Variants in ANK2 observed in about 807,000 individuals in gnomAD.
ANK2 encodes ankyrin 2, also known as ankyrin-2.
In ANK2, 83 loss-of-function variants were observed where a neutral mutation model predicts 360.5. That is an observed-to-expected ratio of 0.23 (90% CI 0.19 to 0.28). The LOEUF (loss-of-function observed/expected upper bound fraction) is 0.28. Ranked by LOEUF, ANK2 falls within the 10% of genes least tolerant of loss-of-function variation. The pLI is 1.00. For missense variants in ANK2, 4,201 were observed against 4,795.7 expected (o/e 0.88, Z 3.66); for synonymous variants, 1,740 against 1,759.5 (o/e 0.99, Z 0.28).
chr4:112,851,509 C>A (rs1174684894), intron 1 of ANK2, among the ~76,000 whole-genome samples: 1 of 152,232 alleles, frequency 6.6e-6, no homozygotes, highest in East Asian at 1.9e-4. Flanking sequence ...TCATCACATT[C>A]TCCTCAAAGC....
intron 4 of ANK2, among the ~76,000 whole-genome samples, chr4:113,222,406 T>C (rs2099161563): frequency 6.6e-6 from 1 of 151,536 alleles, no homozygotes; most frequent in Non-Finnish European, 1.5e-5. Flanking sequence ...TTTTTTTTTT[T>C]TTTTTTTGGC....
intron 2 of ANK2, among the ~76,000 whole-genome samples, chr4:112,963,567 G>T (rs991876496): frequency 6.6e-6 from 1 of 152,142 alleles, no homozygotes; most frequent in Non-Finnish European, 1.5e-5. Flanking sequence ...CACGTGTCTT[G>T]AGAAGGGGCA....
At chr4:113,341,592 A>G (rs2094308431) in intron 32 of ANK2, 96 bp from the exon 33 acceptor site, 6 of 1,294,310 alleles carry the variant, frequency 4.6e-6, no homozygotes, top group African/African-American at 1.5e-5. Context: ...TCCAAGAAGC[A>G]TTTGTTGACT....
intron 2 of ANK2, among the ~76,000 whole-genome samples, chr4:112,920,423 C>G (rs1336316962): frequency 1.3e-5 from 2 of 152,050 alleles, no homozygotes; most frequent in African/African-American, 2.4e-5. Flanking sequence ...ATCAAAAAAC[C>G]AGTTAGGAAA....
intron 1 of ANK2, among the ~76,000 whole-genome samples, chr4:113,071,225 T>C (rs1032198680): frequency 6.6e-6 from 1 of 152,246 alleles, no homozygotes; most frequent in African/African-American, 2.4e-5. Context: ...TTAGACCCGA[T>C]GCCTTTTCAG....
intron 2 of ANK2, among the ~76,000 whole-genome samples, chr4:113,007,224 G>C (rs955960109): frequency 8.5e-5 from 13 of 152,094 alleles, no homozygotes; most frequent in Admixed American, 5.9e-4. Flanking sequence ...TTTGTGCAGC[G>C]GTTAGTATAA....
chr4:113,378,115 T>A, intron 45 of ANK2: 1 of 1,276,962 alleles, frequency 7.8e-7, no homozygotes, highest in Non-Finnish European at 1.0e-6. Flanking sequence ...GGTAGCCACA[T>A]GAAAGTCCAC....
At chr4:112,970,864 AT>A (rs111528369) in intron 2 of ANK2, among the ~76,000 whole-genome samples, 9,632 of 152,268 alleles carry the variant, frequency 0.063, 432 homozygotes, top group African/African-American at 0.13. Flanking sequence ...CACTAAAAAA[AT>A]GATAAGTATA....
intron 1 of ANK2, among the ~76,000 whole-genome samples, chr4:112,868,111 G>T (rs2071401934): frequency 6.6e-6 from 1 of 152,108 alleles, no homozygotes; most frequent in South Asian, 2.1e-4. Flanking sequence ...TGTGTGAAGT[G>T]ATATATCATT....
intron 1 of ANK2, among the ~76,000 whole-genome samples, chr4:112,827,993 G>A (rs2058770368): frequency 6.6e-6 from 1 of 152,124 alleles, no homozygotes; most frequent in African/African-American, 2.4e-5. Flanking sequence ...AACCAAAACA[G>A]CATAGTACTG....
chr4:113,355,314 G>C lies in ANK2; in HGVS notation c.6696G>C (p.Lys2232Asn). 6.2e-7 allele frequency: 1 copy of C among 1,613,970 alleles called. No individual in the cohort carries two copies. Among genetic ancestry groups the C allele is most frequent in the Non-Finnish European group, 8.5e-7 (1 of 1,179,954 alleles). ...AGATTAGTTCAGAAGAAAGCTATAAGCATGAAGGCCTAGCAGAGACCCCTG... is the reference window on the plus strand; with the variant it reads ...AGATTAGTTCAGAAGAAAGCTATAACCATGAAGGCCTAGCAGAGACCCCTG... ...TPQISSEESY[K>N]HEGLAETPET... The change falls in exon 38 of 46, where the codon AAG becomes AAC. Residue 2232 changes from lysine (K) to asparagine (N), a missense_variant. This residue lies in a region of ANK2 where 2,642 missense variants were observed against 2,714.5 expected (regional missense o/e 0.97). Coordinates refer to ENST00000357077, the MANE Select transcript of ANK2 (RefSeq NM_001148.6).
At chr4:112,750,311 A>C in the ANK2 span, among the ~76,000 whole-genome samples, 1,462 of 152,214 alleles carry the variant, frequency 9.6e-3, 21 homozygotes, top group African/African-American at 0.033. Flanking sequence ...CAGTGAGCCA[A>C]GATCGCCCCG....
At chr4:112,794,277 G>A in the ANK2 span, among the ~76,000 whole-genome samples, 2 of 152,190 alleles carry the variant, frequency 1.3e-5, no homozygotes, top group Admixed American at 1.3e-4. Flanking sequence ...ATTTGTTGAT[G>A]TGTATTAAGA....
chr4:112,952,515 T>C (rs908651349), intron 2 of ANK2, among the ~76,000 whole-genome samples: 2 of 152,200 alleles, frequency 1.3e-5, no homozygotes, highest in Non-Finnish European at 2.9e-5. Flanking sequence ...AGACCATTCT[T>C]TGAGCTCTAA....
chr4:112,907,504 C>T (rs1359333923), intron 2 of ANK2, among the ~76,000 whole-genome samples: 1 of 152,158 alleles, frequency 6.6e-6, no homozygotes, highest in Non-Finnish European at 1.5e-5. Context: ...TCCCCTCCTC[C>T]TCATCCTACT....
intron 21 of ANK2, 50 bp from the exon 22 acceptor site, chr4:113,293,390 C>T (rs777422852): frequency 2.0e-6 from 3 of 1,519,904 alleles, no homozygotes; most frequent in Non-Finnish European, 1.8e-6. Context: ...TGGCTCACAT[C>T]GCAGTCCTCT....
chr4:112,939,420 C>A (rs1348354592), intron 2 of ANK2, among the ~76,000 whole-genome samples: 1 of 152,118 alleles, frequency 6.6e-6, no homozygotes, highest in Non-Finnish European at 1.5e-5. Context: ...AGCGATTCTC[C>A]TGTCTCAGCC....
chr4:112,919,422 C>T (rs908925964), intron 2 of ANK2, among the ~76,000 whole-genome samples: 6 of 152,010 alleles, frequency 3.9e-5, no homozygotes, highest in Non-Finnish European at 5.9e-5. Flanking sequence ...TCATTAGTGT[C>T]GGTTGAAGTC....
At chr4:113,370,628 C>T (rs945366098) in intron 43 of ANK2, among the ~76,000 whole-genome samples, 5 of 152,042 alleles carry the variant, frequency 3.3e-5, no homozygotes, top group African/African-American at 7.2e-5. Context: ...GGTATGGTGG[C>T]GAGTGCCTGT....
Sources: allele counts gnomAD v4.1 joint callset (sites outside exome capture counted in the v4.1 genomes callset), GRCh38; gene constraint gnomAD v4.1.1; regional missense constraint gnomAD v4.1.1; transcripts MANE v1.5; gene names NCBI Gene and HGNC (gene_info 2026-07-23, HGNC 2026-07-21).